PPP1R1C: variants seen among roughly 807,000 people sequenced by gnomAD.
The protein encoded by PPP1R1C is protein phosphatase 1 regulatory inhibitor subunit 1C.
Under a neutral mutation model 17.4 loss-of-function variants are expected in PPP1R1C, and 15 were observed. The ratio of observed to expected loss-of-function variants is 0.86; its 90% confidence interval spans 0.58 to 1.33. The LOEUF (loss-of-function observed/expected upper bound fraction) is 1.33, where lower values mean the gene tolerates loss of function less well. Among genes scored for constraint, PPP1R1C ranks in the 40% most tolerant of loss-of-function variants. PPP1R1C has a pLI of 0.00. For missense variants in PPP1R1C, 143 were observed against 130.0 expected (o/e 1.10, Z -0.48); for synonymous variants, 35 against 43.1 (o/e 0.81, Z 0.73).
chr2:182,105,832 G>A (rs1024035045), intron 4 of PPP1R1C, among the ~76,000 whole-genome samples: 6 of 152,104 alleles, frequency 3.9e-5, no homozygotes, highest in South Asian at 2.1e-4. Context: ...ACAATTCAAC[G>A]CTATGGATGT....
chr2:182,108,549 T>C (rs1689322402), intron 4 of PPP1R1C, among the ~76,000 whole-genome samples: 1 of 152,250 alleles, frequency 6.6e-6, no homozygotes, highest in Non-Finnish European at 1.5e-5. Flanking sequence ...AATTCTCTTC[T>C]GAATTTCAGA....
chr2:182,092,553 C>G (rs573996666), intron 4 of PPP1R1C, among the ~76,000 whole-genome samples: 2 of 152,334 alleles, frequency 1.3e-5, no homozygotes, highest in South Asian at 4.1e-4. Flanking sequence ...AAATTCTCAT[C>G]TGAGACAAGG....
intron 2 of PPP1R1C, among the ~76,000 whole-genome samples, chr2:181,998,741 C>T (rs1190250646): frequency 6.6e-6 from 1 of 152,154 alleles, no homozygotes; most frequent in African/African-American, 2.4e-5. Flanking sequence ...TTTCAAAATG[C>T]GTAAAGATTT....
intron 4 of PPP1R1C, among the ~76,000 whole-genome samples, chr2:182,071,948 T>C (rs1197991482): frequency 6.6e-6 from 1 of 152,198 alleles, no homozygotes; most frequent in Non-Finnish European, 1.5e-5. Context: ...GTATTTCTTG[T>C]CCCAGTCCTA....
chr2:182,116,640 T>C (rs376247439), intron 4 of PPP1R1C, among the ~76,000 whole-genome samples: 1 of 152,206 alleles, frequency 6.6e-6, no homozygotes, highest in African/African-American at 2.4e-5. Context: ...GAGCCTTGTA[T>C]AGCAGGCAAA....
chr2:182,062,684 C>T (rs535111905), intron 3 of PPP1R1C, among the ~76,000 whole-genome samples: 1 of 152,050 alleles, frequency 6.6e-6, no homozygotes, highest in African/African-American at 2.4e-5. Context: ...AATAACATCT[C>T]GATGATACCT....
chr2:182,106,973 T>A (rs55920192), intron 4 of PPP1R1C, among the ~76,000 whole-genome samples: 2 of 151,842 alleles, frequency 1.3e-5, no homozygotes, highest in Admixed American at 1.3e-4. Context: ...CATTTCACAG[T>A]CATTTTGGAC....
intron 2 of PPP1R1C, among the ~76,000 whole-genome samples, chr2:182,006,994 T>C (rs545241761): frequency 6.6e-6 from 1 of 152,228 alleles, no homozygotes; most frequent in Non-Finnish European, 1.5e-5. Flanking sequence ...TAAAAATTGC[T>C]TATTGGTTTT....
intron 4 of PPP1R1C, among the ~76,000 whole-genome samples, chr2:182,085,729 T>A (rs1323034482): frequency 6.6e-6 from 1 of 152,184 alleles, no homozygotes; most frequent in Non-Finnish European, 1.5e-5. Flanking sequence ...TTGTTGAAGT[T>A]CAAATATTTG....
intron 1 of PPP1R1C, among the ~76,000 whole-genome samples, chr2:181,972,682 G>A (rs1455729350): frequency 3.9e-5 from 6 of 152,076 alleles, no homozygotes; most frequent in African/African-American, 1.4e-4. Flanking sequence ...GAAAGGACTT[G>A]GGTTATTCAA....
At chr2:181,956,397 C>A (rs1684670586) in intron 1 of PPP1R1C, among the ~76,000 whole-genome samples, 2 of 152,172 alleles carry the variant, frequency 1.3e-5, no homozygotes, top group African/African-American at 2.4e-5. Flanking sequence ...GATTTATAAT[C>A]CTTGGGGTAT....
At chr2:181,975,200 T>G (rs545165691) in intron 1 of PPP1R1C, 34 of 151,306 alleles carry the variant, frequency 2.2e-4, no homozygotes, top group African/African-American at 6.3e-4. Context: ...TGTTGCCTTT[T>G]TTTTTTTTTT....
At chr2:182,019,824 T>C (rs1574382264) in intron 2 of PPP1R1C, among the ~76,000 whole-genome samples, 1 of 152,304 alleles carries the variant, frequency 6.6e-6, no homozygotes, top group East Asian at 1.9e-4. Context: ...TCCAGAAGTT[T>C]ATCAAATCAG....
chr2:182,075,543 G>A (rs1688273633), intron 4 of PPP1R1C, among the ~76,000 whole-genome samples: 1 of 152,218 alleles, frequency 6.6e-6, no homozygotes, highest in South Asian at 2.1e-4. Context: ...AGATATGAGA[G>A]CAGGCTGCCT....
chr2:181,954,849 AT>A (rs1037609195), intron 1 of PPP1R1C, among the ~76,000 whole-genome samples: 2 of 151,882 alleles, frequency 1.3e-5, no homozygotes, highest in African/African-American at 4.8e-5. Flanking sequence ...TTAAAGAGAG[AT>A]TTTTTTTCCC....
intron 2 of PPP1R1C, among the ~76,000 whole-genome samples, chr2:182,044,582 A>T (rs559612714): frequency 6.6e-6 from 1 of 152,308 alleles, no homozygotes; most frequent in Admixed American, 6.5e-5. Flanking sequence ...GAAAAAAATG[A>T]TAAGATAGAT....
intron 1 of PPP1R1C, among the ~76,000 whole-genome samples, chr2:181,970,303 T>C (rs1291729956): frequency 6.6e-6 from 1 of 152,180 alleles, no homozygotes; most frequent in African/African-American, 2.4e-5. Context: ...TTGAAGGGAC[T>C]TGCATGTTGT....
At chr2:182,007,989 A>G (rs1324596914) in intron 2 of PPP1R1C, among the ~76,000 whole-genome samples, 3 of 152,088 alleles carry the variant, frequency 2.0e-5, no homozygotes, top group Non-Finnish European at 2.9e-5. Context: ...AATGGCGTGA[A>G]CCTAGGAGGT....
At chr2:181,988,306 TG>T (rs1174322790) in intron 2 of PPP1R1C, among the ~76,000 whole-genome samples, 5 of 152,206 alleles carry the variant, frequency 3.3e-5, no homozygotes, top group Admixed American at 6.5e-5. Flanking sequence ...AAGGTTGACA[TG>T]GGGTGGGCAA....
Sources: allele counts gnomAD v4.1 joint callset (sites outside exome capture counted in the v4.1 genomes callset), GRCh38; gene constraint gnomAD v4.1.1; transcripts MANE v1.5; gene names NCBI Gene and HGNC (gene_info 2026-07-23, HGNC 2026-07-21).